Variants in ADAMTS17 observed in about 807,000 individuals in gnomAD.
ADAMTS17 encodes A disintegrin and metalloproteinase with thrombospondin motifs 17.
Under a neutral mutation model 141.5 loss-of-function variants are expected in ADAMTS17, and 113 were observed. The observed-to-expected ratio is 0.80, with a 90% CI of 0.69 to 0.93. The LOEUF (loss-of-function observed/expected upper bound fraction) is 0.93, where lower values mean the gene tolerates loss of function less well. Ranked by LOEUF, ADAMTS17 falls within the 40% of genes least tolerant of loss-of-function variation. ADAMTS17 has a pLI of 0.00. For synonymous variants in ADAMTS17, 768 were observed against 630.6 expected (o/e 1.22, Z -3.27); for missense variants, 1,659 against 1,517.9 (o/e 1.09, Z -1.54).
At chr15:100,152,530 T>C in intron 10 of ADAMTS17, 82 bp downstream of exon 10, 6 of 1,587,482 alleles carry the variant, frequency 3.8e-6, no homozygotes, top group South Asian at 2.2e-5. Flanking sequence ...TGAATGCCCA[T>C]GTCCTCCAGC....
chr15:100,117,630 G>A (rs1357083072), intron 12 of ADAMTS17, among the ~76,000 whole-genome samples: 1 of 152,154 alleles, frequency 6.6e-6, no homozygotes, highest in Non-Finnish European at 1.5e-5. Context: ...TGAGGCTGGG[G>A]TTTTAAGCCA....
intron 12 of ADAMTS17, among the ~76,000 whole-genome samples, chr15:100,124,309 C>T (rs1458242998): frequency 6.6e-6 from 1 of 152,306 alleles, no homozygotes; most frequent in South Asian, 2.1e-4. Flanking sequence ...AGCTTAGATA[C>T]AAAACCAAAC....
At chr15:100,153,075 G>A (rs1418457520) in intron 9 of ADAMTS17, among the ~76,000 whole-genome samples, 1 of 152,194 alleles carries the variant, frequency 6.6e-6, no homozygotes, top group Non-Finnish European at 1.5e-5. Flanking sequence ...TGATGAAAAT[G>A]ATTTTGGAAG....
At chr15:100,299,988 G>C (rs1407953979) in intron 3 of ADAMTS17, among the ~76,000 whole-genome samples, 1 of 152,194 alleles carries the variant, frequency 6.6e-6, no homozygotes. Context: ...GTTTCTGAAT[G>C]AATAAGTTAA....
intron 3 of ADAMTS17, among the ~76,000 whole-genome samples, chr15:100,296,067 C>G (rs745311): frequency 0.018 from 2,692 of 152,164 alleles, 33 homozygotes; most frequent in East Asian, 0.071. Flanking sequence ...AACCTACCAC[C>G]CACATCTAAG....
intron 10 of ADAMTS17, among the ~76,000 whole-genome samples, chr15:100,139,381 G>A (rs2038509112): frequency 6.6e-6 from 1 of 152,206 alleles, no homozygotes; most frequent in Admixed American, 6.5e-5. Context: ...AGACCCAGAG[G>A]ATGTTTGGCA....
At chr15:100,289,070 G>A (rs1034247056) in intron 3 of ADAMTS17, among the ~76,000 whole-genome samples, 1 of 152,162 alleles carries the variant, frequency 6.6e-6, no homozygotes, top group East Asian at 1.9e-4. Flanking sequence ...TTTGTTCTTT[G>A]AAAGAGTAAA....
intron 3 of ADAMTS17, among the ~76,000 whole-genome samples, chr15:100,308,107 AAAC>A (rs1185110643): frequency 3.9e-5 from 6 of 152,334 alleles, no homozygotes; most frequent in African/African-American, 4.8e-5. Context: ...TCACTTTTTA[AAAC>A]AACTTTTCAA....
chr15:100,291,116 C>G (rs181351723), intron 3 of ADAMTS17, among the ~76,000 whole-genome samples: 12 of 152,308 alleles, frequency 7.9e-5, no homozygotes, highest in Admixed American at 7.8e-4. Context: ...TGACACAGAT[C>G]TAATATACAG....
chr15:100,067,165 A>G (rs372104343), intron 15 of ADAMTS17, among the ~76,000 whole-genome samples: 893 of 144,168 alleles, frequency 6.2e-3, no homozygotes, highest in African/African-American at 0.024. Context: ...TGTCTCAGCA[A>G]TATTCCTTCA....
intron 18 of ADAMTS17, among the ~76,000 whole-genome samples, chr15:100,043,467 C>T (rs1567080514): frequency 6.6e-6 from 1 of 152,170 alleles, no homozygotes; most frequent in Non-Finnish European, 1.5e-5. Context: ...AAAATACATT[C>T]CCTGAGCTAA....
intron 7 of ADAMTS17, among the ~76,000 whole-genome samples, chr15:100,226,062 G>A (rs1385196757): frequency 6.8e-6 from 1 of 148,100 alleles, no homozygotes; most frequent in Non-Finnish European, 1.5e-5. Context: ...CCTTACAGCA[G>A]TCACGGTCTC....
At chr15:100,244,683 C>G (rs897938376) in intron 7 of ADAMTS17, among the ~76,000 whole-genome samples, 5 of 152,114 alleles carry the variant, frequency 3.3e-5, no homozygotes, top group Non-Finnish European at 4.4e-5. Flanking sequence ...TTGAGGGCCA[C>G]TGTACAGGGA....
At chr15:100,025,848 T>G (rs765716257) in intron 18 of ADAMTS17, among the ~76,000 whole-genome samples, 9 of 152,234 alleles carry the variant, frequency 5.9e-5, no homozygotes, top group Non-Finnish European at 1.3e-4. Flanking sequence ...TTTTTAGATG[T>G]TATTTCTTTA....
intron 10 of ADAMTS17, among the ~76,000 whole-genome samples, chr15:100,150,180 T>G (rs576979912): frequency 6.6e-6 from 1 of 152,226 alleles, no homozygotes; most frequent in South Asian, 2.1e-4. Context: ...TCACTTGATA[T>G]GCATTTGGAT....
chr15:100,026,610 T>C (rs528867888), intron 18 of ADAMTS17, among the ~76,000 whole-genome samples: 2 of 152,344 alleles, frequency 1.3e-5, no homozygotes. Context: ...GTCCTACAAA[T>C]TGCATCTGAA....
In ADAMTS17 at chr15:100,032,672, C is replaced by G. The variant is rs182235163; in HGVS notation, c.2591+16185G>C. On this transcript the variant is annotated intron_variant, in intron 18 of 21. Coordinates refer to ENST00000268070, the MANE Select transcript of ADAMTS17 (RefSeq NM_139057.4). ...GTTCTTTTTAATGCCATGGCAGAAG[C>G]AGGCTGTACTGTTTTTAAAATGAGA... 1.3e-4 allele frequency among the ~76,000 whole-genome samples: 20 copies of G among 152,314 alleles called. No homozygotes were observed. The East Asian group carries it at 3.7e-3, about 28-fold the overall frequency.
At chr15:100,111,692 A>G (rs1189331694) in intron 13 of ADAMTS17, among the ~76,000 whole-genome samples, 4 of 152,232 alleles carry the variant, frequency 2.6e-5, no homozygotes, top group Non-Finnish European at 4.4e-5. Flanking sequence ...GGAGTAATTG[A>G]GCTTTGAGGT....
At chr15:100,207,441 G>A (rs573459383) in intron 7 of ADAMTS17, among the ~76,000 whole-genome samples, 1 of 152,198 alleles carries the variant, frequency 6.6e-6, no homozygotes, top group Non-Finnish European at 1.5e-5. Flanking sequence ...TGCACCCTGG[G>A]TCCCCTTGCT....
Sources: allele counts gnomAD v4.1 joint callset (sites outside exome capture counted in the v4.1 genomes callset), GRCh38; gene constraint gnomAD v4.1.1; transcripts MANE v1.5; gene names NCBI Gene and HGNC (gene_info 2026-07-23, HGNC 2026-07-21).